The following LNP1 variants were observed in gnomAD, a reference collection of about 807,000 sequenced individuals.
The protein encoded by LNP1 is leukemia NUP98 fusion partner 1.
Under a neutral mutation model 14.5 loss-of-function variants are expected in LNP1, and 12 were observed. That is an observed-to-expected ratio of 0.83 (90% confidence interval 0.53 to 1.34). The LOEUF (loss-of-function observed/expected upper bound fraction) is 1.34. Ranked by LOEUF, LNP1 falls within the 40% of genes most tolerant of loss-of-function variation. The pLI is 0.00. For missense variants in LNP1, 198 were observed against 210.9 expected, an observed-to-expected ratio of 0.94 and a Z score of 0.38; for synonymous variants, 75 against 71.4, an observed-to-expected ratio of 1.05 and a Z score of -0.26.
At chr3:100,419,407 A>G (rs1481904744) in intron 1 of LNP1, among the ~76,000 whole-genome samples, 1 of 152,198 alleles carries the variant, frequency 6.6e-6, no homozygotes, top group Non-Finnish European at 1.5e-5. Context: ...ATCTTGTATA[A>G]CTATAGTATA....
At chr3:100,418,488 C>T (rs576651701) in intron 1 of LNP1, among the ~76,000 whole-genome samples, 2 of 151,862 alleles carry the variant, frequency 1.3e-5, no homozygotes, top group East Asian at 3.9e-4. Flanking sequence ...ATTTTTAAAA[C>T]AGAAATGCTG....
At chr3:100,428,531 C>CAAAAAAAA (rs552434826) in intron 1 of LNP1, among the ~76,000 whole-genome samples, 1 of 103,606 alleles carries the variant, frequency 9.7e-6, no homozygotes, top group African/African-American at 3.7e-5. Flanking sequence ...GACTCCATCT[C>CAAAAAAAA]AAAAAAAAAA....
rs566082681 is a variant in LNP1 at position 100,434,825 on chromosome 3, G to A, written c.156+4940G>A. 6.6e-4 allele frequency among the ~76,000 whole-genome samples: 89 copies of A among 134,946 alleles called. 1 individual carries two copies. Among genetic ancestry groups the A allele is most frequent in the African/African-American group, 2.1e-3 (84 of 39,324 alleles). The allele number at this position is 134,946 out of a possible 152,430, so 88.5% of individuals were successfully genotyped here. On this transcript the variant is annotated intron_variant, in intron 2 of 3. Coordinates refer to ENST00000383693, the MANE Select transcript of LNP1 (RefSeq NM_001085451.2). The stretch of plus-strand genomic sequence containing the variant: ...ATTACAGGTGTGAGCCACTGCACCC[G>A]GCTGTCTTTTTTTTTTTTTTTTTAA...
intron 1 of LNP1, among the ~76,000 whole-genome samples, chr3:100,413,568 G>A (rs1282832502): frequency 6.6e-6 from 1 of 152,154 alleles, no homozygotes. Flanking sequence ...CATCAGTTTA[G>A]TTCATTGCCA....
At chr3:100,432,489 A>C (rs1329633650) in intron 2 of LNP1, among the ~76,000 whole-genome samples, 1 of 152,208 alleles carries the variant, frequency 6.6e-6, no homozygotes, top group Non-Finnish European at 1.5e-5. Context: ...CTAGTAGAAA[A>C]TACAAATTTG....
At chr3:100,425,913 C>T (rs553798447) in intron 1 of LNP1, among the ~76,000 whole-genome samples, 1 of 152,278 alleles carries the variant, frequency 6.6e-6, no homozygotes, top group East Asian at 1.9e-4. Flanking sequence ...AACTGCCTAA[C>T]TAAGAAGAGA....
intron 2 of LNP1, among the ~76,000 whole-genome samples, chr3:100,433,481 G>C (rs1707262260): frequency 6.6e-6 from 1 of 152,158 alleles, no homozygotes; most frequent in African/African-American, 2.4e-5. Flanking sequence ...ATGGGCATTT[G>C]GGTTGGTCCT....
At chr3:100,402,798 T>C (rs1372626003) in intron 1 of LNP1, among the ~76,000 whole-genome samples, 1 of 152,186 alleles carries the variant, frequency 6.6e-6, no homozygotes, top group Non-Finnish European at 1.5e-5. Flanking sequence ...ACTGTTACGG[T>C]TAAACTCCAA....
intron 2 of LNP1, among the ~76,000 whole-genome samples, chr3:100,430,455 A>G (rs956613403): frequency 6.6e-6 from 1 of 152,194 alleles, no homozygotes; most frequent in African/African-American, 2.4e-5. Flanking sequence ...TATCTGAGGA[A>G]CAAGATGCTA....
intron 1 of LNP1, among the ~76,000 whole-genome samples, chr3:100,425,416 T>C (rs1707182915): frequency 6.6e-6 from 1 of 152,220 alleles, no homozygotes; most frequent in Admixed American, 6.5e-5. Flanking sequence ...TGCTATCTCA[T>C]AGTCAGTGCT....
At chr3:100,409,603 TA>T (rs1204585532) in intron 1 of LNP1, among the ~76,000 whole-genome samples, 5 of 96,146 alleles carry the variant, frequency 5.2e-5, no homozygotes, top group South Asian at 3.4e-4. Context: ...TATATATATA[TA>T]TATTTTTTTT....
chr3:100,414,098 A>G (rs1707057381), intron 1 of LNP1, among the ~76,000 whole-genome samples: 1 of 152,188 alleles, frequency 6.6e-6, no homozygotes, highest in East Asian at 1.9e-4. Flanking sequence ...AACTACCCCA[A>G]AACTCAGTGT....
intron 2 of LNP1, among the ~76,000 whole-genome samples, chr3:100,451,353 A>G (rs1408087397): frequency 1.3e-5 from 2 of 152,234 alleles, no homozygotes; most frequent in Non-Finnish European, 2.9e-5. Context: ...GGGAAAACCC[A>G]AAGTGGGCAG....
chr3:100,408,534 G>T (rs552757999), intron 1 of LNP1, among the ~76,000 whole-genome samples: 1 of 152,204 alleles, frequency 6.6e-6, no homozygotes, highest in Non-Finnish European at 1.5e-5. Flanking sequence ...TGTTGCTGTG[G>T]GTTATTTGGA....
Position 100,429,848 on chromosome 3 carries a change from A to G in LNP1, c.119A>G (p.Gln40Arg). The G allele has an allele frequency of 6.2e-7, 1 of 1,613,926 alleles. No individual in the cohort carries two copies. The highest frequency in any genetic ancestry group is 8.5e-7 in the Non-Finnish European group (1 of 1,179,912). Residue 40 changes from glutamine to arginine, a missense_variant, in exon 2 of 4, where the codon CAA (glutamine) becomes CGA (arginine). By Grantham distance (43) the Gln-to-Arg change is conservative. Transcript: ENST00000383693. ...QRGLRERHRL[Q>R]ATSHRKTSLP... ...GGACTCCGGGAACGCCACCGACTGC[A>G]AGCCACCAGTCACAGGAAAACCTCC...
At chr3:100,434,546 T>A (rs1707274303) in intron 2 of LNP1, among the ~76,000 whole-genome samples, 1 of 152,052 alleles carries the variant, frequency 6.6e-6, no homozygotes, top group South Asian at 2.1e-4. Flanking sequence ...TCTTTTTTTT[T>A]GAGTTGAAGT....
At chr3:100,425,328 G>C (rs1707182055) in intron 1 of LNP1, among the ~76,000 whole-genome samples, 1 of 152,186 alleles carries the variant, frequency 6.6e-6, no homozygotes, top group Non-Finnish European at 1.5e-5. Flanking sequence ...AAGGCAGTTT[G>C]TTTCTTTCAG....
rs1326494473 is a variant in LNP1 at position 100,411,499 on chromosome 3, G to T, written c.-34+9060G>T. Among the ~76,000 whole-genome samples the T allele has an allele frequency of 3.3e-5, 5 of 152,192 alleles. 1 individual carries two copies. Among genetic ancestry groups the T allele is most frequent in the Admixed American group, 6.5e-5 (1 of 15,280 alleles). On this transcript the variant is annotated intron_variant, in intron 1 of 3. Coordinates refer to ENST00000383693, the MANE Select transcript of LNP1 (RefSeq NM_001085451.2). Reference sequence around the variant, plus strand: ...TTGGAGGCCAGATGCCCCACTCTTAGTACCAAAATCTGTAGTACTCTACAA... The same window carrying T: ...TTGGAGGCCAGATGCCCCACTCTTATTACCAAAATCTGTAGTACTCTACAA...
chr3:100,433,685 G>A (rs1293478668), intron 2 of LNP1, among the ~76,000 whole-genome samples: 1 of 152,146 alleles, frequency 6.6e-6, no homozygotes, highest in African/African-American at 2.4e-5. Flanking sequence ...CCCCCCAACA[G>A]TGTAAAAGTG....
Sources: gnomAD v4.1 joint callset for allele counts (sites outside exome capture counted in the v4.1 genomes callset) on GRCh38, gnomAD v4.1.1 for gene constraint, MANE v1.5 for transcripts, NCBI Gene and HGNC (gene_info 2026-07-23, HGNC 2026-07-21) for gene names.